STYX: variants seen among roughly 807,000 people sequenced by gnomAD.
STYX encodes the protein serine/threonine/tyrosine interacting protein.
In STYX, 20 loss-of-function variants were observed where a neutral mutation model predicts 42.7. That is an observed-to-expected ratio of 0.47 (90% CI 0.33 to 0.68). The LOEUF (loss-of-function observed/expected upper bound fraction) is 0.68. Ranked by LOEUF, STYX falls within the 30% of genes least tolerant of loss-of-function variation. STYX has a pLI of 0.02. For missense variants in STYX, 226 were observed against 268.5 expected, an observed-to-expected ratio of 0.84 and a Z score of 1.11; for synonymous variants, 78 against 81.9, an observed-to-expected ratio of 0.95 and a Z score of 0.26.
rs759567665 is a variant in STYX, at chr14:52,730,419, G to T, written c.-56G>T. The stretch of plus-strand genomic sequence containing the variant: ...TTCCGCCGCCGCAGCCAGCCCGAGG[G>T]TCGGCCGGCTGTGTAACACTCTCCC... On this transcript the variant is annotated 5_prime_UTR_variant, in exon 1 of 11. Coordinates refer to ENST00000354586, the MANE Select transcript of STYX (RefSeq NM_145251.4). 3.1e-6 allele frequency: 5 copies of T among 1,588,724 alleles called. No individual in the cohort carries two copies. The highest frequency in any genetic ancestry group is 1.7e-5 in the Admixed American group (1 of 57,222).
chr14:52,735,263 T>C (rs1017030943), intron 1 of STYX, among the ~76,000 whole-genome samples: 4 of 152,128 alleles, frequency 2.6e-5, no homozygotes, highest in African/African-American at 9.7e-5. Flanking sequence ...ATGAGCTTGG[T>C]TATTGAGGAA....
At chr14:52,758,652 T>G (rs1302442584) in intron 8 of STYX, among the ~76,000 whole-genome samples, 1 of 152,222 alleles carries the variant, frequency 6.6e-6, no homozygotes, top group Non-Finnish European at 1.5e-5. Flanking sequence ...CTCAGCTCAC[T>G]GCAACCCCCG....
chr14:52,768,828 T>C lies in STYX; in HGVS notation c.505-12T>C. On this transcript the variant is annotated splice_polypyrimidine_tract_variant and intron_variant, in intron 9 of 10. Coordinates refer to ENST00000354586, the MANE Select transcript of STYX (RefSeq NM_145251.4). ...ATATATAATTAAGTTAATTAACTTA[T>C]TTTTTTTTTAGGAATATGAAGCCAT... 7.5e-7 allele frequency: 1 copy of C among 1,331,150 alleles called. No individual in the cohort carries two copies. The highest frequency in any genetic ancestry group is 1.0e-6 in the Non-Finnish European group (1 of 982,046). 82.5% of individuals were successfully genotyped at this position (1,331,150 alleles called of 1,614,324 possible).
chr14:52,759,590 C>G (rs1276384989), intron 8 of STYX, 92 bp from the exon 9 acceptor site: 1 of 841,270 alleles, frequency 1.2e-6, no homozygotes, highest in Non-Finnish European at 1.9e-6. Context: ...TTTTCCATTA[C>G]AACTCATTAC....
At chr14:52,755,928 C>T (rs1881846665) in intron 4 of STYX, among the ~76,000 whole-genome samples, 1 of 152,092 alleles carries the variant, frequency 6.6e-6, no homozygotes, top group Non-Finnish European at 1.5e-5. Context: ...GTACTTTTGT[C>T]TTTATTTCTA....
rs971021703 is a variant in STYX, at chr14:52,744,764, T to C, written c.58-88T>C. ...TAAAGTATAATGTAACTTTAAAAAA[T>C]CTACATACTTGTGTGTCACATCTTT... On this transcript the variant is annotated intron_variant, in intron 1 of 10. Transcript: ENST00000354586. 8.1e-6 allele frequency: 10 copies of C among 1,236,552 alleles called. No individual in the cohort carries two copies. In the African/African-American group the frequency reaches 1.4e-4, roughly 17 times the overall value. The allele number at this position is 1,236,552 out of a possible 1,614,324, so 76.6% of individuals were successfully genotyped here.
intron 1 of STYX, among the ~76,000 whole-genome samples, chr14:52,732,316 G>C (rs1405385624): frequency 6.8e-6 from 1 of 147,584 alleles, no homozygotes; most frequent in Non-Finnish European, 1.5e-5. Context: ...GCCCAGGCTG[G>C]AATGATCTTG....
At chr14:52,730,661 T>A (rs1880661615) in intron 1 of STYX, 130 bp downstream of exon 1, 1 of 997,498 alleles carries the variant, frequency 1.0e-6, no homozygotes, top group Non-Finnish European at 1.5e-6. Context: ...TCCCGGGACC[T>A]CTGAAGCCGA....
chr14:52,733,340 CT>C (rs539010484), intron 1 of STYX, among the ~76,000 whole-genome samples: 2 of 152,028 alleles, frequency 1.3e-5, no homozygotes, highest in Admixed American at 6.6e-5. Context: ...AAAACACACT[CT>C]TTTTTTTATG....
At chr14:52,739,539 G>A (rs190756689) in intron 1 of STYX, among the ~76,000 whole-genome samples, 34 of 150,862 alleles carry the variant, frequency 2.3e-4, no homozygotes, top group Admixed American at 2.6e-4. Context: ...TGCTTATTCT[G>A]TGTCAGGCAC....
chr14:52,730,237 G>C lies in STYX; in HGVS notation c.-238G>C, dbSNP rs1461044930. 6 of 566,960 alleles carry C rather than the reference G, an allele frequency of 1.1e-5. No individual in the cohort carries two copies. The highest frequency in any genetic ancestry group is 1.9e-5 in the Non-Finnish European group (6 of 317,248). 35.1% of individuals were successfully genotyped at this position (566,960 alleles called of 1,614,324 possible). On this transcript the variant is annotated 5_prime_UTR_variant, in exon 1 of 11. Coordinates refer to ENST00000354586, the MANE Select transcript of STYX (RefSeq NM_145251.4). ...TACGGAGACTCTGGGGGAGGGAGAC[G>C]GCAGCGGCATGGCGGCCGGGTGTAA... is the stretch of plus-strand genomic sequence containing the variant.
At chr14:52,744,548 A>T (rs1466004538) in intron 1 of STYX, among the ~76,000 whole-genome samples, 2 of 152,212 alleles carry the variant, frequency 1.3e-5, no homozygotes, top group Admixed American at 1.3e-4. Flanking sequence ...GACTTAGAAG[A>T]TCAGTTTTGG....
intron 10 of STYX, 100 bp downstream of exon 10, chr14:52,769,033 A>G: frequency 1.2e-6 from 1 of 816,098 alleles, no homozygotes; most frequent in Non-Finnish European, 1.9e-6. Context: ...TGTTTAGAAA[A>G]CTTGTTAAAC....
Position 52,730,228 on chromosome 14 carries a change from G to C in STYX, c.-247G>C. On this transcript the variant is annotated 5_prime_UTR_variant, in exon 1 of 11. Coordinates refer to ENST00000354586, the MANE Select transcript of STYX (RefSeq NM_145251.4). ...CCTGAGGGGTACGGAGACTCTGGGG[G>C]AGGGAGACGGCAGCGGCATGGCGGC... 1.8e-6 allele frequency: 1 copy of C among 567,636 alleles called. No homozygotes were observed. The highest frequency in any genetic ancestry group is 2.1e-5 in the South Asian group (1 of 48,300). 35.2% of individuals were successfully genotyped at this position (567,636 alleles called of 1,614,324 possible). A position where few individuals can be genotyped will look rare whatever the true frequency, so the allele number is the denominator to read the frequency against.
chr14:52,752,886 T>G (rs1193219251), intron 4 of STYX, among the ~76,000 whole-genome samples: 15 of 143,858 alleles, frequency 1.0e-4, no homozygotes, highest in African/African-American at 2.8e-4. Flanking sequence ...GTTGTTGTTT[T>G]TTTTTTTTTT....
intron 1 of STYX, among the ~76,000 whole-genome samples, chr14:52,736,113 C>G (rs1345219911): frequency 2.0e-5 from 3 of 152,342 alleles, no homozygotes; most frequent in Non-Finnish European, 4.4e-5. Flanking sequence ...TTTCCACCCC[C>G]CGCCTTCAGA....
At chr14:52,735,892 T>G (rs1163402758) in intron 1 of STYX, among the ~76,000 whole-genome samples, 1 of 152,242 alleles carries the variant, frequency 6.6e-6, no homozygotes, top group Non-Finnish European at 1.5e-5. Context: ...TCAGTCAGTT[T>G]GTGAAAAGAT....
chr14:52,743,034 G>A (rs908126736), intron 1 of STYX, among the ~76,000 whole-genome samples: 36 of 151,818 alleles, frequency 2.4e-4, no homozygotes, highest in African/African-American at 8.7e-4. Flanking sequence ...AACCTCAGGT[G>A]ATCCACCCGC....
chr14:52,734,590 T>C (rs1376983682), intron 1 of STYX, among the ~76,000 whole-genome samples: 3 of 152,174 alleles, frequency 2.0e-5, no homozygotes, highest in Non-Finnish European at 2.9e-5. Flanking sequence ...TGACAGGAAC[T>C]GGAGAGAAAG....
Sources: gnomAD v4.1 joint callset for allele counts (sites outside exome capture counted in the v4.1 genomes callset) on GRCh38, gnomAD v4.1.1 for gene constraint, MANE v1.5 for transcripts, NCBI Gene and HGNC (gene_info 2026-07-23, HGNC 2026-07-21) for gene names.